Variants in PIK3CG observed in about 807,000 individuals in gnomAD.
PIK3CG encodes phosphatidylinositol-4,5-bisphosphate 3-kinase catalytic subunit gamma.
PIK3CG carries 55 observed loss-of-function variants against 102.3 expected under a neutral mutation model. The ratio of observed to expected loss-of-function variants is 0.54; its 90% CI spans 0.43 to 0.67. The LOEUF is 0.67. Among genes scored for constraint, PIK3CG ranks in the 30% least tolerant of loss-of-function variants. The pLI, the probability that PIK3CG is intolerant of heterozygous loss-of-function variation, is 0.00. For missense variants in PIK3CG, 1,258 were observed against 1,391.8 expected (o/e 0.90, Z 1.53); for synonymous variants, 552 against 540.0 (o/e 1.02, Z -0.31).
Position 106,883,264 on chromosome 7 carries a change from T to C in PIK3CG, c.2760+101T>C, listed in dbSNP as rs533648497. ...TCAGAGAATCTGCCAGTGTCTTGCC[T>C]CCTGACATATTAGTGAAGTTTTTTA... On this transcript the variant is annotated intron_variant, in intron 8 of 10. Coordinates refer to ENST00000496166, the MANE Select transcript of PIK3CG (RefSeq NM_001282426.2). The surrounding 1 kb of genome is among the most constrained non-coding windows in gnomAD (Gnocchi z 5.8). 2.5e-4 allele frequency: 310 copies of C among 1,228,274 alleles called. 1 individual carries two copies. Among genetic ancestry groups the C allele is most frequent in the Middle Eastern group, 7.7e-4 (4 of 5,168 alleles). The allele number at this position is 1,228,274 out of a possible 1,614,324, so 76.1% of individuals were successfully genotyped here.
chr7:106,889,113 G>C (rs1426919514), intron 10 of PIK3CG, among the ~76,000 whole-genome samples: 4 of 152,038 alleles, frequency 2.6e-5, no homozygotes, highest in Admixed American at 2.6e-4. Context: ...ATAAAACAAA[G>C]TAGCATGCTC....
At chr7:106,887,988 T>G (rs998380182) in intron 10 of PIK3CG, among the ~76,000 whole-genome samples, 8 of 126,438 alleles carry the variant, frequency 6.3e-5, no homozygotes, top group African/African-American at 2.3e-4. Flanking sequence ...TCACCCAGGC[T>G]AGAGTACAGT....
In PIK3CG at chr7:106,869,466, C is replaced by T. The variant is rs2116466447; in HGVS notation, c.1905C>T (p.Phe635=). Residue 635 remains phenylalanine (F), a synonymous_variant, in exon 2 of 11, where the codon TTC becomes TTT. Transcript: ENST00000496166. The surrounding 1 kb of genome is among the most constrained non-coding windows in gnomAD (Gnocchi z 5.3). ...GLTMQLLDCN[F]SDENVRAIAV... is the part of the protein sequence containing the mutation. ...CAATGCAGCTCCTGGACTGCAACTT[C>T]TCAGATGAAAATGTAAGAGCCATTG... 1 of 1,614,224 alleles carries T rather than the reference C, an allele frequency of 6.2e-7. No homozygotes were observed. The highest frequency in any genetic ancestry group is 1.3e-5 in the African/African-American group (1 of 75,056).
In PIK3CG at chr7:106,877,964, A is replaced by C. The variant is rs1337937924; in HGVS notation, c.2392-1555A>C. Among the ~76,000 whole-genome samples the C allele has an allele frequency of 6.6e-6, 1 of 152,212 alleles. No individual in the cohort carries two copies. The highest frequency in any genetic ancestry group is 1.5e-5 in the Non-Finnish European group (1 of 68,030). ...TAGACTTAACAGACTTAATAGATGA[A>C]ATAATTTTTAACTATTCACCTACAT... On this transcript the variant is annotated intron_variant, in intron 5 of 10. Coordinates refer to ENST00000496166, the MANE Select transcript of PIK3CG (RefSeq NM_001282426.2). This position sits in a 1 kb window ranked among gnomAD's most constrained non-coding sequence, Gnocchi z 4.5.
chr7:106,894,862 G>A lies in PIK3CG; in HGVS notation c.3030+8570G>A, dbSNP rs1182928088. ...TGTATATAAAAGTAGTTTGTTTTCAGTTTAGTGAACTGATAGTTGGGGCAG... is the reference window on the plus strand; with the variant it reads ...TGTATATAAAAGTAGTTTGTTTTCAATTTAGTGAACTGATAGTTGGGGCAG... On this transcript the variant is annotated intron_variant, in intron 10 of 10. Transcript: ENST00000496166. The surrounding 1 kb of genome is among the most constrained non-coding windows in gnomAD (Gnocchi z 4.4). 2.0e-5 allele frequency among the ~76,000 whole-genome samples: 3 copies of A among 152,316 alleles called. No homozygotes were observed. Among genetic ancestry groups the A allele is most frequent in the South Asian group, 4.1e-4 (2 of 4,828 alleles).
At position 106,868,504 on chromosome 7, in the gene PIK3CG, C is replaced by G. The variant is rs1275102202; in HGVS notation, c.943C>G (p.Leu315Val). The G allele has an allele frequency of 6.2e-7, 1 of 1,614,142 alleles. No homozygotes were observed. Among genetic ancestry groups the G allele is most frequent in the African/African-American group, 1.3e-5 (1 of 75,052 alleles). Residue 315 changes from leucine to valine, a missense_variant, in exon 2 of 11, where the codon CTA becomes GTA. Leu to Val is a conservative substitution (Grantham distance 32). Around this residue, in one of 2 missense-constraint regions of PIK3CG, gnomAD observed 832 missense variants for 787.5 expected, o/e 1.06. Transcript: ENST00000496166. This position sits in a 1 kb window ranked among gnomAD's most constrained non-coding sequence, Gnocchi z 6.2. ...ACTGGACACGCCTCCAGACCCGGCC[C>G]TAGACGAGGTGAGGAAGGAAGAGTG... Reference protein sequence around the residue: ...VVLDTPPDPALDEVRKEEWPL... With the variant: ...VVLDTPPDPAVDEVRKEEWPL...
intron 10 of PIK3CG, among the ~76,000 whole-genome samples, chr7:106,900,344 G>C (rs1791513470): frequency 1.3e-5 from 2 of 152,058 alleles, no homozygotes; most frequent in Admixed American, 1.3e-4. Context: ...ATCTTTGTTA[G>C]TTTGAAATCT....
At chr7:106,876,220 C>T (rs1437681225) in intron 5 of PIK3CG, among the ~76,000 whole-genome samples, 2 of 151,956 alleles carry the variant, frequency 1.3e-5, no homozygotes, top group Non-Finnish European at 2.9e-5. Context: ...GGCCTATCAT[C>T]AGTCTTTTTA....
intron 5 of PIK3CG, among the ~76,000 whole-genome samples, chr7:106,878,530 C>A (rs1038184708): frequency 6.6e-6 from 1 of 152,180 alleles, no homozygotes; most frequent in Non-Finnish European, 1.5e-5. Flanking sequence ...TGTGCTGTAG[C>A]CTAGAAACAG....
chr7:106,899,159 C>T lies in PIK3CG; in HGVS notation c.3031-5950C>T, dbSNP rs1476651708. On this transcript the variant is annotated intron_variant, in intron 10 of 10. Coordinates refer to ENST00000496166, the MANE Select transcript of PIK3CG (RefSeq NM_001282426.2). This position sits in a 1 kb window ranked among gnomAD's most constrained non-coding sequence, Gnocchi z 4.6. ...ACGGGATTGCCTTTCTGATTTGGCTCTTGGTTTGGCTGTTGTTGGTGTATA... is the reference window on the plus strand; with the variant it reads ...ACGGGATTGCCTTTCTGATTTGGCTTTTGGTTTGGCTGTTGTTGGTGTATA... 6.6e-6 allele frequency among the ~76,000 whole-genome samples: 1 copy of T among 152,010 alleles called. No homozygotes were observed. The highest frequency in any genetic ancestry group is 2.4e-5 in the African/African-American group (1 of 41,406).
chr7:106,888,267 T>C (rs970582513), intron 10 of PIK3CG, among the ~76,000 whole-genome samples: 1 of 152,150 alleles, frequency 6.6e-6, no homozygotes, highest in African/African-American at 2.4e-5. Context: ...ATATATGTTA[T>C]CTTCCTTTTT....
Position 106,905,643 on chromosome 7 carries a change from G to T in PIK3CG, c.*256G>T. 3 of 467,602 alleles carry T rather than the reference G, an allele frequency of 6.4e-6. No individual in the cohort carries two copies. Among genetic ancestry groups the T allele is most frequent in the South Asian group, 6.5e-5 (2 of 30,912 alleles). The allele number at this position is 467,602 out of a possible 1,614,324, so 29.0% of individuals were successfully genotyped here. On this transcript the variant is annotated 3_prime_UTR_variant, in exon 11 of 11. Coordinates refer to ENST00000496166, the MANE Select transcript of PIK3CG (RefSeq NM_001282426.2). This position sits in a 1 kb window ranked among gnomAD's most constrained non-coding sequence, Gnocchi z 5.6. Reference sequence around the variant, plus strand: ...GTCTGTGGCATTGGAGAATATTCTCGGTTTAAACAGACTAATGACTTCCTT... The same window carrying T: ...GTCTGTGGCATTGGAGAATATTCTCTGTTTAAACAGACTAATGACTTCCTT...
In PIK3CG at chr7:106,865,341, C is replaced by T. The variant is rs1221467547; in HGVS notation, c.-98C>T. On this transcript the variant is annotated 5_prime_UTR_variant, in exon 1 of 11. It adds an upstream start codon to the 5' untranslated region. Coordinates refer to ENST00000496166, the MANE Select transcript of PIK3CG (RefSeq NM_001282426.2). ...CCCCAGAAAAGCGGAAGAATTTAGA[C>T]GCACACTGGGTAGGTTTGAATTTGT... 1.3e-5 allele frequency: 2 copies of T among 152,196 alleles called. No individual in the cohort carries two copies. The highest frequency in any genetic ancestry group is 2.4e-5 in the African/African-American group (1 of 41,450). The allele number at this position is 152,196 out of a possible 1,614,324, so 9.4% of individuals were successfully genotyped here.
At position 106,891,071 on chromosome 7, in the gene PIK3CG, T is replaced by A. The variant is rs1469048344; in HGVS notation, c.3030+4779T>A. On this transcript the variant is annotated intron_variant, in intron 10 of 10. Coordinates refer to ENST00000496166, the MANE Select transcript of PIK3CG (RefSeq NM_001282426.2). This position sits in a 1 kb window ranked among gnomAD's most constrained non-coding sequence, Gnocchi z 4.4. ...TCTGTTTGTCTTTCCCTATCCCAAC[T>A]GTGAGCTCTGTGCAGCAGGGCCACA... is the stretch of plus-strand genomic sequence containing the variant. Among the ~76,000 whole-genome samples, 1 of 152,234 alleles carries A rather than the reference T, an allele frequency of 6.6e-6. No homozygotes were observed. The highest frequency in any genetic ancestry group is 2.4e-5 in the African/African-American group (1 of 41,458).
chr7:106,891,840 C>T lies in PIK3CG; in HGVS notation c.3030+5548C>T, dbSNP rs1428592327. Among the ~76,000 whole-genome samples, 2 of 151,892 alleles carry T rather than the reference C, an allele frequency of 1.3e-5. No homozygotes were observed. Among genetic ancestry groups the T allele is most frequent in the Admixed American group, 6.6e-5 (1 of 15,234 alleles). On this transcript the variant is annotated intron_variant, in intron 10 of 10. Transcript: ENST00000496166. This position sits in a 1 kb window ranked among gnomAD's most constrained non-coding sequence, Gnocchi z 4.4. ...TTTCTTGCCAGTTTTATCAGGCCCA[C>T]CCTGTTTCCAGTTCCGCAGTCTTAT...
intron 10 of PIK3CG, among the ~76,000 whole-genome samples, chr7:106,887,262 A>G (rs796889251): frequency 1.3e-5 from 2 of 152,358 alleles, no homozygotes; most frequent in African/African-American, 4.8e-5. Context: ...TGTTATAGCA[A>G]TACAAACACA....
chr7:106,875,963 G>A (rs549294029), intron 5 of PIK3CG, among the ~76,000 whole-genome samples: 81 of 143,872 alleles, frequency 5.6e-4, no homozygotes, highest in Middle Eastern at 3.6e-3. Context: ...GCCGGACTGC[G>A]GACTGCAGTG....
At chr7:106,882,658 G>A (rs569191146) in intron 7 of PIK3CG, 8 of 184,656 alleles carry the variant, frequency 4.3e-5, no homozygotes, top group Admixed American at 3.7e-4. Context: ...GTTTATTCAA[G>A]TTTCTGATCT....
At chr7:106,887,413 T>A (rs941301553) in intron 10 of PIK3CG, among the ~76,000 whole-genome samples, 2 of 152,172 alleles carry the variant, frequency 1.3e-5, no homozygotes, top group Admixed American at 6.5e-5. Flanking sequence ...GAGTCTCTTC[T>A]TGAGTCCAAG....
Sources: gnomAD v4.1 joint callset for allele counts (sites outside exome capture counted in the v4.1 genomes callset) on GRCh38, gnomAD v4.1.1 for gene constraint, gnomAD v4.1.1 regional missense constraint, Gnocchi (gnomAD v3.1) non-coding constraint, MANE v1.5 for transcripts, NCBI Gene and HGNC (gene_info 2026-07-23, HGNC 2026-07-21) for gene names.